PCDHGB4: variants seen among roughly 807,000 people sequenced by gnomAD.
PCDHGB4 encodes the protein protocadherin gamma subfamily B, 4, also known as protocadherin gamma-B4.
In PCDHGB4, 38 loss-of-function variants were observed where a neutral mutation model predicts 60.5. That is an observed-to-expected ratio of 0.63 (90% CI 0.48 to 0.82). The LOEUF is 0.82. PCDHGB4 is among the 40% of genes least tolerant of loss of function. PCDHGB4 has a pLI of 0.00. For synonymous variants in PCDHGB4, 456 were observed against 509.7 expected, an observed-to-expected ratio of 0.89 and a Z score of 1.42; for missense variants, 1,109 against 1,209.6, an observed-to-expected ratio of 0.92 and a Z score of 1.23.
chr5:141,508,171 A>G (rs1364776681), intron 3 of PCDHGB4: 2 of 152,406 alleles, frequency 1.3e-5, no homozygotes, highest in African/African-American at 4.8e-5. Context: ...AGGCTGGCAC[A>G]GGAGAGAAGG....
chr5:141,428,159 G>A (rs1377084529), intron 1 of PCDHGB4: 1 of 1,571,752 alleles, frequency 6.4e-7, no homozygotes, highest in East Asian at 2.2e-5. Context: ...GAACCTGCTG[G>A]TTGCTGTGCG....
intron 3 of PCDHGB4, among the ~76,000 whole-genome samples, chr5:141,510,518 GC>G (rs2099881500): frequency 6.6e-6 from 1 of 152,112 alleles, no homozygotes; most frequent in Non-Finnish European, 1.5e-5. Context: ...CCGTGTCACA[GC>G]CCTGAGAGAA....
At position 141,432,069 on chromosome 5, in the gene PCDHGB4, A is replaced by G. The variant is rs572724741; in HGVS notation, c.2397+41788A>G. On this transcript the variant is annotated intron_variant, in intron 1 of 3. Transcript: ENST00000519479. The surrounding 1 kb of genome is among the most constrained non-coding windows in gnomAD (Gnocchi z 6.0). ...ACCCCGCCCCTATCCACGGAAACTC[A>G]TATCTCGCTGAACGTGGCAGACACC... 646 of 1,614,168 alleles carry G rather than the reference A, an allele frequency of 4.0e-4. 5 individuals are homozygous for G. In the South Asian group the frequency reaches 6.9e-3, roughly 17 times the overall value.
At chr5:141,484,454 G>T (rs932663778) in intron 1 of PCDHGB4, among the ~76,000 whole-genome samples, 2 of 152,212 alleles carry the variant, frequency 1.3e-5, no homozygotes, top group Non-Finnish European at 2.9e-5. Context: ...AATTGGCTAC[G>T]TTAATGTGTA....
In PCDHGB4 at chr5:141,490,755, C is replaced by T; in HGVS notation, c.2398-4052C>T. ...AGGTTCAGGGAGCCCCAGCCTCCTC[C>T]TTTGTGTATGTCAACCCAGAGGATG... On this transcript the variant is annotated intron_variant, in intron 1 of 3. Transcript: ENST00000519479. This position sits in a 1 kb window ranked among gnomAD's most constrained non-coding sequence, Gnocchi z 5.4. 1 of 1,614,190 alleles carries T rather than the reference C, an allele frequency of 6.2e-7. No individual in the cohort carries two copies. Among genetic ancestry groups the T allele is most frequent in the Non-Finnish European group, 8.5e-7 (1 of 1,180,026 alleles).
intron 1 of PCDHGB4, chr5:141,422,845 G>A: frequency 6.2e-7 from 1 of 1,614,230 alleles, no homozygotes; most frequent in Non-Finnish European, 8.5e-7. Context: ...TGACAGCGGG[G>A]ACCCGCCCCT....
chr5:141,423,071 C>T, intron 1 of PCDHGB4: 2 of 1,614,120 alleles, frequency 1.2e-6, no homozygotes, highest in South Asian at 1.1e-5. Flanking sequence ...GCCAGCGAGC[C>T]GGGACTCTTC....
At chr5:141,414,844 C>T (rs769714220) in intron 1 of PCDHGB4, 3 of 1,614,216 alleles carry the variant, frequency 1.9e-6, no homozygotes, top group South Asian at 2.2e-5. Flanking sequence ...CCTGTTTGTG[C>T]TGGACCAGAA....
chr5:141,405,192 G>A (rs2154536235), intron 1 of PCDHGB4: 5 of 1,613,938 alleles, frequency 3.1e-6, no homozygotes, highest in East Asian at 2.2e-5. Context: ...GATGGGGTTC[G>A]AGCTTTCCTA....
At position 141,395,103 on chromosome 5, in the gene PCDHGB4, C is replaced by T. The variant is rs1462569715; in HGVS notation, c.2397+4822C>T. 9 of 1,614,156 alleles carry T rather than the reference C, an allele frequency of 5.6e-6. No homozygotes were observed. The highest frequency in any genetic ancestry group is 1.1e-5 in the South Asian group (1 of 91,074). On this transcript the variant is annotated intron_variant, in intron 1 of 3. Transcript: ENST00000519479. ...GGAAGTCTCCCTCACCGCCGACTCG[C>T]GGAAGAGTCACCTGATCTTTCCCCA... is the stretch of plus-strand genomic sequence containing the variant.
At position 141,477,262 on chromosome 5, in the gene PCDHGB4, C is replaced by G; in HGVS notation, c.2398-17545C>G. On this transcript the variant is annotated intron_variant, in intron 1 of 3. Coordinates refer to ENST00000519479, the MANE Select transcript of PCDHGB4 (RefSeq NM_003736.4). The surrounding 1 kb of genome is among the most constrained non-coding windows in gnomAD (Gnocchi z 4.9). ...TCAGTGTGACTGACCTGGATGCTGG[C>G]GAGAACGGGCTGGTGACCTGCGAAG... The G allele has an allele frequency of 6.2e-7, 1 of 1,614,138 alleles. No homozygotes were observed.
At chr5:141,438,741 A>T (rs1184994731) in intron 1 of PCDHGB4, among the ~76,000 whole-genome samples, 3 of 148,914 alleles carry the variant, frequency 2.0e-5, no homozygotes, top group South Asian at 2.1e-4. Context: ...AGCTCACTGC[A>T]ACCTCTGCCT....
rs191354649 is a variant in PCDHGB4 at position 141,510,446 on chromosome 5, C to T, written c.2546-501C>T. 8.9e-4 allele frequency among the ~76,000 whole-genome samples: 135 copies of T among 152,154 alleles called. 1 individual carries two copies. Among genetic ancestry groups the T allele is most frequent in the Non-Finnish European group, 1.7e-3 (114 of 68,010 alleles). On this transcript the variant is annotated intron_variant, in intron 3 of 3. Coordinates refer to ENST00000519479, the MANE Select transcript of PCDHGB4 (RefSeq NM_003736.4). ...TTTCATGGCTGCTGCCCTCCAGGAG[C>T]CCATGGTCTAGTGTGGGAGTCAGAG...
At position 141,487,915 on chromosome 5, in the gene PCDHGB4, G is replaced by T; in HGVS notation, c.2398-6892G>T. The T allele has an allele frequency of 1.5e-6, 1 of 655,128 alleles. No homozygotes were observed. Among genetic ancestry groups the T allele is most frequent in the Middle Eastern group, 3.5e-4 (1 of 2,862 alleles). The allele number at this position is 655,128 out of a possible 1,614,324, so 40.6% of individuals were successfully genotyped here. ...GATGATGGAATGTGGGAGCACAGGA[G>T]GCTACAGTGCACAGGGTACAGTGCA... On this transcript the variant is annotated intron_variant, in intron 1 of 3. Coordinates refer to ENST00000519479, the MANE Select transcript of PCDHGB4 (RefSeq NM_003736.4). This position sits in a 1 kb window ranked among gnomAD's most constrained non-coding sequence, Gnocchi z 5.0.
In PCDHGB4 at chr5:141,415,645, A is replaced by T. The variant is rs200555070; in HGVS notation, c.2397+25364A>T. On this transcript the variant is annotated intron_variant, in intron 1 of 3. Transcript: ENST00000519479. The stretch of plus-strand genomic sequence containing the variant: ...TATTTTCATTTTTACTTTTGTTAAA[A>T]AAAAAAAGATTGGTTTTTACTTTGA... The T allele has an allele frequency of 3.5e-3, 5,682 of 1,600,720 alleles. 22 individuals carry two copies. The highest frequency in any genetic ancestry group is 5.0e-3 in the Middle Eastern group (30 of 6,044).
chr5:141,494,546 G>A (rs984336435), intron 1 of PCDHGB4, among the ~76,000 whole-genome samples: 7 of 152,152 alleles, frequency 4.6e-5, no homozygotes, highest in African/African-American at 1.2e-4. Context: ...GGAGGAAGGG[G>A]CCATTTCTTT....
chr5:141,422,487 T>C lies in PCDHGB4; in HGVS notation c.2397+32206T>C, dbSNP rs1295400741. 5.0e-6 allele frequency: 8 copies of C among 1,613,938 alleles called. No individual in the cohort carries two copies. The East Asian group carries it at 1.8e-4, about 36-fold the overall frequency. ...ACAGGGAGTTGGTCCAGAGCTACAA[T>C]ATAACGTTGACAGCCACAGACCAGG... On this transcript the variant is annotated intron_variant, in intron 1 of 3. Coordinates refer to ENST00000519479, the MANE Select transcript of PCDHGB4 (RefSeq NM_003736.4).
intron 1 of PCDHGB4, chr5:141,422,099 A>C (rs374091819): frequency 6.2e-7 from 1 of 1,609,706 alleles, no homozygotes; most frequent in Non-Finnish European, 8.5e-7. Context: ...AAGGCTTCTG[A>C]AATATTCCAA....
chr5:141,421,782 C>A, intron 1 of PCDHGB4: 1 of 1,613,878 alleles, frequency 6.2e-7, no homozygotes, highest in Non-Finnish European at 8.5e-7. Context: ...AACTGCGGGG[C>A]AGAACGGATG....
Sources: allele counts gnomAD v4.1 joint callset (sites outside exome capture counted in the v4.1 genomes callset), GRCh38; gene constraint gnomAD v4.1.1; non-coding constraint Gnocchi (gnomAD v3.1); transcripts MANE v1.5; gene names NCBI Gene and HGNC (gene_info 2026-07-23, HGNC 2026-07-21).